Variants in STX3 observed in about 807,000 individuals in gnomAD.
The protein encoded by STX3 is syntaxin-3.
STX3 carries 19 observed loss-of-function variants against 40.2 expected under a neutral mutation model. The observed-to-expected ratio is 0.47, with a 90% CI of 0.33 to 0.69. The LOEUF (loss-of-function observed/expected upper bound fraction) is 0.69, where lower values mean the gene tolerates loss of function less well. STX3 is among the 30% of genes least tolerant of loss of function. The probability of loss-of-function intolerance (pLI) is 0.02; values close to 1 mark genes in which losing one functional copy is unlikely to be tolerated. For missense variants in STX3, 364 were observed against 366.7 expected, an observed-to-expected ratio of 0.99 and a Z score of 0.06; for synonymous variants, 122 against 132.2, an observed-to-expected ratio of 0.92 and a Z score of 0.53.
intron 10 of STX3, among the ~76,000 whole-genome samples, chr11:59,799,508 A>G (rs376489535): frequency 2.6e-5 from 4 of 152,358 alleles, no homozygotes; most frequent in South Asian, 4.1e-4. Flanking sequence ...TGCTGTAGCT[A>G]ACAGTGTGAC....
chr11:59,785,230 T>C (rs1267581435), intron 2 of STX3, among the ~76,000 whole-genome samples: 1 of 152,212 alleles, frequency 6.6e-6, no homozygotes, highest in South Asian at 2.1e-4. Flanking sequence ...TCTAAGCCAA[T>C]ATATTTATAG....
chr11:59,781,294 C>T (rs1399989249), intron 2 of STX3: 2 of 1,559,812 alleles, frequency 1.3e-6, no homozygotes, highest in East Asian at 4.5e-5. Context: ...AACTCCTGTC[C>T]AAAGTGATGA....
At chr11:59,758,571 T>G (rs1029200607) in intron 1 of STX3, among the ~76,000 whole-genome samples, 2 of 152,220 alleles carry the variant, frequency 1.3e-5, no homozygotes, top group African/African-American at 4.8e-5. Flanking sequence ...AGGGCATCCC[T>G]TCCTGAGGCC....
At chr11:59,785,253 T>G (rs1439615733) in intron 2 of STX3, among the ~76,000 whole-genome samples, 2 of 152,256 alleles carry the variant, frequency 1.3e-5, no homozygotes, top group Non-Finnish European at 2.9e-5. Context: ...GGGAAAATCC[T>G]GTGCTCCAGT....
intron 2 of STX3, among the ~76,000 whole-genome samples, chr11:59,773,968 T>TCACA (rs1565171295): frequency 3.8e-5 from 4 of 104,554 alleles, no homozygotes; most frequent in Admixed American, 1.1e-4. Context: ...AGACTTTGTC[T>TCACA]CACACACACA....
rs1590734317 is a variant in STX3 at position 59,755,400 on chromosome 11, G to A, written c.-206G>A. 1 of 402,942 alleles carries A rather than the reference G, an allele frequency of 2.5e-6. No homozygotes were observed. Among genetic ancestry groups the A allele is most frequent in the South Asian group, 1.2e-4 (1 of 8,602 alleles). The allele number at this position is 402,942 out of a possible 1,614,324, so 25.0% of individuals were successfully genotyped here. ...CGGATTTGGAGCGCGAGGCGCCGGT[G>A]GGGGCGGAGGGGGCTGCGCGGCGGA... On this transcript the variant is annotated 5_prime_UTR_variant, in exon 1 of 11. Transcript: ENST00000337979.
At chr11:59,795,554 C>G in intron 9 of STX3, 72 bp downstream of exon 9, 1 of 1,550,920 alleles carries the variant, frequency 6.4e-7, no homozygotes, top group Non-Finnish European at 8.7e-7. Context: ...TCTCTTCCCT[C>G]TCCCTGTCTC....
chr11:59,798,744 C>T (rs368168717), intron 10 of STX3, among the ~76,000 whole-genome samples: 20 of 149,880 alleles, frequency 1.3e-4, no homozygotes, highest in Middle Eastern at 3.8e-3. Flanking sequence ...GGTCTCCTGA[C>T]CTCAGGTGAT....
chr11:59,802,276 T>C lies in STX3; in HGVS notation c.*1452T>C, dbSNP rs1865914452. On this transcript the variant is annotated 3_prime_UTR_variant, in exon 11 of 11. Transcript: ENST00000337979. ...CGCTAGGAAATCTTCAAGTGTAGTGTCTGTGCTAACCCAGTGGTAAATCCC... is the reference window on the plus strand; with the variant it reads ...CGCTAGGAAATCTTCAAGTGTAGTGCCTGTGCTAACCCAGTGGTAAATCCC... The C allele has an allele frequency of 1.0e-6, 1 of 985,496 alleles. No homozygotes were observed. Among genetic ancestry groups the C allele is most frequent in the South Asian group, 4.7e-5 (1 of 21,284 alleles). The allele number at this position is 985,496 out of a possible 1,614,324, so 61.0% of individuals were successfully genotyped here. A position where few individuals can be genotyped will look rare whatever the true frequency, so the allele number is the denominator to read the frequency against.
chr11:59,774,014 G>A (rs999515698), intron 2 of STX3, among the ~76,000 whole-genome samples: 7 of 149,704 alleles, frequency 4.7e-5, no homozygotes, highest in African/African-American at 1.7e-4. Flanking sequence ...TAGTCCCTCT[G>A]ACTTAATTCT....
chr11:59,792,711 C>G (rs941200486), intron 6 of STX3, among the ~76,000 whole-genome samples: 3 of 152,002 alleles, frequency 2.0e-5, no homozygotes, highest in Non-Finnish European at 4.4e-5. Context: ...CAAGAAAGAG[C>G]AAGTGTGTTT....
At chr11:59,767,161 G>C (rs1383513348) in intron 1 of STX3, among the ~76,000 whole-genome samples, 1 of 152,074 alleles carries the variant, frequency 6.6e-6, no homozygotes, top group Non-Finnish European at 1.5e-5. Flanking sequence ...AACCCTGGCT[G>C]TCCTTTCTGG....
intron 2 of STX3, among the ~76,000 whole-genome samples, chr11:59,782,351 A>T (rs555038763): frequency 6.6e-6 from 1 of 152,378 alleles, no homozygotes; most frequent in South Asian, 2.1e-4. Flanking sequence ...TAAATGAGAC[A>T]TGCCTGTAAA....
At position 59,793,122 on chromosome 11, in the gene STX3, G is replaced by A; in HGVS notation, c.490G>A (p.Glu164Lys). ...EITGKKTTDEELEEMLESGNP... is the reference protein window; with the variant it reads ...EITGKKTTDEKLEEMLESGNP... ...AGCTGGCAAAAAGACAACCGATGAG[G>A]AGCTGGAGGAGATGTTGGAGAGTGG... The change falls in exon 7 of 11, where the codon GAG (glutamate) becomes AAG (lysine). Residue 164 changes from glutamate (E) to lysine (K), a missense_variant. Coordinates refer to ENST00000337979, the MANE Select transcript of STX3 (RefSeq NM_004177.5). The A allele has an allele frequency of 6.2e-7, 1 of 1,613,644 alleles. No individual in the cohort carries two copies. The highest frequency in any genetic ancestry group is 8.5e-7 in the Non-Finnish European group (1 of 1,179,990).
rs1163061021 is a variant in STX3 at position 59,803,686 on chromosome 11, A to T, written c.*2862A>T. Among the ~76,000 whole-genome samples the T allele has an allele frequency of 6.6e-6, 1 of 152,172 alleles. No homozygotes were observed. The highest frequency in any genetic ancestry group is 1.5e-5 in the Non-Finnish European group (1 of 68,034). On this transcript the variant is annotated 3_prime_UTR_variant, in exon 11 of 11. Coordinates refer to ENST00000337979, the MANE Select transcript of STX3 (RefSeq NM_004177.5). ...AGGGCCGGCCACACAGTAAATTCAAATTAAATTTCTTCCCTTTCAAGGTTA... is the reference window on the plus strand; with the variant it reads ...AGGGCCGGCCACACAGTAAATTCAATTTAAATTTCTTCCCTTTCAAGGTTA...
At chr11:59,791,488 G>A (rs192530639) in intron 5 of STX3, among the ~76,000 whole-genome samples, 5 of 152,274 alleles carry the variant, frequency 3.3e-5, no homozygotes, top group African/African-American at 1.2e-4. Context: ...GAAACTGGAA[G>A]GTCCCTAGTT....
chr11:59,792,473 G>A (rs1471770250), intron 6 of STX3, among the ~76,000 whole-genome samples: 1 of 152,168 alleles, frequency 6.6e-6, no homozygotes, highest in African/African-American at 2.4e-5. Context: ...CCAAACAGTT[G>A]CTCTCTTGTG....
At chr11:59,782,770 A>G (rs1468661979) in intron 2 of STX3, among the ~76,000 whole-genome samples, 2 of 151,906 alleles carry the variant, frequency 1.3e-5, no homozygotes, top group Non-Finnish European at 2.9e-5. Flanking sequence ...AGGTGGGCGG[A>G]TCACTTGAGC....
At chr11:59,754,942 C>CG (rs1368374648), upstream of STX3, 750 of 152,508 alleles carry the variant, frequency 4.9e-3, 3 homozygotes, top group African/African-American at 7.0e-3. Flanking sequence ...CTGCCAGCAG[C>CG]CCTGAGGCTG....
Sources: allele counts gnomAD v4.1 joint callset (sites outside exome capture counted in the v4.1 genomes callset), GRCh38; gene constraint gnomAD v4.1.1; transcripts MANE v1.5; gene names NCBI Gene and HGNC (gene_info 2026-07-23, HGNC 2026-07-21).